CNTNAP2: variants seen among roughly 807,000 people sequenced by gnomAD.
CNTNAP2 encodes the protein contactin associated protein 2.
In CNTNAP2, 98 loss-of-function variants were observed where a neutral mutation model predicts 155.2. The ratio of observed to expected loss-of-function variants is 0.63; its 90% CI spans 0.54 to 0.75. CNTNAP2 has a LOEUF of 0.75. CNTNAP2 is among the 30% of genes least tolerant of loss of function. The probability of loss-of-function intolerance (pLI) is 0.00; values close to 1 mark genes in which losing one functional copy is unlikely to be tolerated. For missense variants in CNTNAP2, 1,727 were observed against 1,688.1 expected, an observed-to-expected ratio of 1.02 and a Z score of -0.40; for synonymous variants, 651 against 631.2, an observed-to-expected ratio of 1.03 and a Z score of -0.47.
At chr7:146,254,682 A>C (rs965997798) in intron 1 of CNTNAP2, among the ~76,000 whole-genome samples, 1 of 152,202 alleles carries the variant, frequency 6.6e-6, no homozygotes, top group Non-Finnish European at 1.5e-5. Flanking sequence ...GCTTATTTCA[A>C]TGTAAAAGTA....
At chr7:146,960,048 C>G (rs1254272555) in intron 3 of CNTNAP2, among the ~76,000 whole-genome samples, 1 of 152,122 alleles carries the variant, frequency 6.6e-6, no homozygotes, top group African/African-American at 2.4e-5. Flanking sequence ...TTTCGTGTCA[C>G]CTGACACTCA....
chr7:147,722,671 C>T (rs1796582468), intron 13 of CNTNAP2, among the ~76,000 whole-genome samples: 1 of 152,094 alleles, frequency 6.6e-6, no homozygotes, highest in South Asian at 2.1e-4. Context: ...CCTCCAGACC[C>T]CTAATGACAC....
chr7:147,370,003 G>A (rs1796314713), intron 9 of CNTNAP2, among the ~76,000 whole-genome samples: 1 of 152,114 alleles, frequency 6.6e-6, no homozygotes, highest in South Asian at 2.1e-4. Context: ...TCCAGCCCTT[G>A]TTGCTTCCTG....
chr7:148,265,874 T>A (rs1204468742), intron 20 of CNTNAP2, among the ~76,000 whole-genome samples: 1 of 152,240 alleles, frequency 6.6e-6, no homozygotes, highest in Non-Finnish European at 1.5e-5. Context: ...CATCGTAGTA[T>A]GATGTGGTGA....
At chr7:147,056,765 G>C (rs528918696) in intron 4 of CNTNAP2, among the ~76,000 whole-genome samples, 1 of 151,990 alleles carries the variant, frequency 6.6e-6, no homozygotes, top group South Asian at 2.1e-4. Context: ...TTGTTTGTTT[G>C]TTTGTTCATT....
At chr7:147,021,035 G>A (rs1430292250) in intron 3 of CNTNAP2, among the ~76,000 whole-genome samples, 1 of 152,058 alleles carries the variant, frequency 6.6e-6, no homozygotes, top group Non-Finnish European at 1.5e-5. Flanking sequence ...ATCCTGAAAC[G>A]AGTACATGAT....
At chr7:147,671,747 G>C (rs1383544742) in intron 13 of CNTNAP2, 1 of 152,156 alleles carries the variant, frequency 6.6e-6, no homozygotes, top group Non-Finnish European at 1.5e-5. Flanking sequence ...TCACTAATTG[G>C]CTCCTCTGGC....
intron 13 of CNTNAP2, among the ~76,000 whole-genome samples, chr7:147,874,465 C>A (rs1799387902): frequency 6.6e-6 from 1 of 152,264 alleles, no homozygotes; most frequent in Admixed American, 6.5e-5. Context: ...ACGGCTCAAG[C>A]TGTACTTTGG....
At chr7:147,633,359 G>A (rs1375386771) in intron 12 of CNTNAP2, among the ~76,000 whole-genome samples, 1 of 152,190 alleles carries the variant, frequency 6.6e-6, no homozygotes, top group Non-Finnish European at 1.5e-5. Context: ...CTTTGCTACA[G>A]GGGTCAAGCT....
chr7:147,014,712 T>C (rs1020975483), intron 3 of CNTNAP2, among the ~76,000 whole-genome samples: 5 of 152,092 alleles, frequency 3.3e-5, no homozygotes, highest in African/African-American at 1.2e-4. Context: ...CCCCTGCCAG[T>C]GTTTGGTGGA....
intron 1 of CNTNAP2, among the ~76,000 whole-genome samples, chr7:146,531,809 T>A (rs1196172956): frequency 6.6e-6 from 1 of 152,150 alleles, no homozygotes; most frequent in Non-Finnish European, 1.5e-5. Flanking sequence ...CCTCCCAAAG[T>A]GCTGGGATTA....
Position 146,266,886 on chromosome 7 carries a change from ATTTT to A in CNTNAP2, c.97+149930_97+149933del, listed in dbSNP as rs58244472. ...TTCTAAGGAAGGTTCACATTGCTGA[ATTTT>A]TTTTTTTTTTTTTTTTAGTTGGGTG... is the stretch of plus-strand genomic sequence containing the variant. On this transcript the variant is annotated intron_variant, in intron 1 of 23. Transcript: ENST00000361727. 7.3e-4 allele frequency among the ~76,000 whole-genome samples: 103 copies of A among 140,910 alleles called. 1 individual carries two copies. Among genetic ancestry groups the A allele is most frequent in the Middle Eastern group, 3.7e-3 (1 of 268 alleles). The allele number at this position is 140,910 out of a possible 152,430, so 92.4% of individuals were successfully genotyped here.
At chr7:148,063,787 G>A (rs10238221) in intron 15 of CNTNAP2, among the ~76,000 whole-genome samples, 6,001 of 151,932 alleles carry the variant, frequency 0.039, 338 homozygotes, top group East Asian at 0.29. Flanking sequence ...TGGGTTCTTG[G>A]TCATGAAGTC....
intron 1 of CNTNAP2, among the ~76,000 whole-genome samples, chr7:146,145,249 C>T (rs1223655698): frequency 6.6e-6 from 1 of 152,196 alleles, no homozygotes; most frequent in Admixed American, 6.6e-5. Flanking sequence ...GAAAGCGTGA[C>T]CAGCTGAGTC....
At chr7:147,615,277 CAAAAAAAAAAAAAAAAAAA>C (rs58247626) in intron 12 of CNTNAP2, among the ~76,000 whole-genome samples, 2 of 28,034 alleles carry the variant, frequency 7.1e-5, no homozygotes, top group East Asian at 1.5e-3. Context: ...GACCCTGTCT[CAAAAAAAAAAAAAAAAAAA>C]AAAAAAAAAA....
chr7:147,241,043 A>G (rs1014555058), intron 8 of CNTNAP2, among the ~76,000 whole-genome samples: 1 of 152,198 alleles, frequency 6.6e-6, no homozygotes. Flanking sequence ...TGCAATGCCC[A>G]GTTTCAGGCA....
At chr7:147,350,050 T>C (rs1795943092) in intron 9 of CNTNAP2, among the ~76,000 whole-genome samples, 1 of 151,958 alleles carries the variant, frequency 6.6e-6, no homozygotes, top group East Asian at 1.9e-4. Flanking sequence ...ATTCCTGTTA[T>C]GTTTCTAATA....
At chr7:146,277,836 C>T (rs1800187972) in intron 1 of CNTNAP2, among the ~76,000 whole-genome samples, 1 of 152,074 alleles carries the variant, frequency 6.6e-6, no homozygotes, top group Non-Finnish European at 1.5e-5. Context: ...TGGATGAATT[C>T]ATTAAATTAT....
In CNTNAP2 at chr7:147,920,657, G is replaced by A. The variant is rs528914280; in HGVS notation, c.2255+16936G>A. Among the ~76,000 whole-genome samples, 11 of 152,210 alleles carry A rather than the reference G, an allele frequency of 7.2e-5. No homozygotes were observed. The East Asian group carries it at 1.9e-3, about 27-fold the overall frequency. On this transcript the variant is annotated intron_variant, in intron 14 of 23. Coordinates refer to ENST00000361727, the MANE Select transcript of CNTNAP2 (RefSeq NM_014141.6). ...ATGTCTGAGTCCCTGCTATATATCAGGCACAGTCAGACTATCTGGCAGTCC... is the reference window on the plus strand; with the variant it reads ...ATGTCTGAGTCCCTGCTATATATCAAGCACAGTCAGACTATCTGGCAGTCC...
Sources: gnomAD v4.1 joint callset for allele counts (sites outside exome capture counted in the v4.1 genomes callset) on GRCh38, gnomAD v4.1.1 for gene constraint, MANE v1.5 for transcripts, NCBI Gene and HGNC (gene_info 2026-07-23, HGNC 2026-07-21) for gene names.